ACKR3: variants seen among roughly 807,000 people sequenced by gnomAD.
ACKR3 encodes the protein C-X-C chemokine receptor type 7.
In ACKR3, 6 loss-of-function variants were observed where a neutral mutation model predicts 22.4. That is an observed-to-expected ratio of 0.27 (90% CI 0.15 to 0.53). ACKR3 has a LOEUF of 0.53. Ranked by LOEUF, ACKR3 falls within the 20% of genes least tolerant of loss-of-function variation. The probability of loss-of-function intolerance (pLI) is 0.96; values close to 1 mark genes in which losing one functional copy is unlikely to be tolerated. For missense variants in ACKR3, 396 were observed against 475.2 expected (o/e 0.83, Z 1.55); for synonymous variants, 209 against 205.2 (o/e 1.02, Z -0.16).
chr2:236,565,104 T>C (rs1323325412), upstream of ACKR3, among the ~76,000 whole-genome samples: 2 of 152,112 alleles, frequency 1.3e-5, no homozygotes, highest in Admixed American at 1.3e-4. Flanking sequence ...ATCACTGGAA[T>C]TTGGCTGGGG....
the ACKR3 span, among the ~76,000 whole-genome samples, chr2:236,559,328 C>A: frequency 6.6e-6 from 1 of 152,198 alleles, no homozygotes; most frequent in African/African-American, 2.4e-5. Context: ...TGCCTATGTA[C>A]TCACCAATAA....
At chr2:236,538,376 G>T in the ACKR3 span, among the ~76,000 whole-genome samples, 1 of 152,220 alleles carries the variant, frequency 6.6e-6, no homozygotes, top group African/African-American at 2.4e-5. Flanking sequence ...TAAAAACGTG[G>T]TCAAAAGGAT....
chr2:236,578,138 C>T (rs1691450964), intron 1 of ACKR3, among the ~76,000 whole-genome samples: 1 of 152,220 alleles, frequency 6.6e-6, no homozygotes, highest in Non-Finnish European at 1.5e-5. Flanking sequence ...GGAACGTCAG[C>T]TCTGGGTCAT....
At chr2:236,564,054 G>C (rs1691133088), upstream of ACKR3, among the ~76,000 whole-genome samples, 1 of 152,216 alleles carries the variant, frequency 6.6e-6, no homozygotes, top group Admixed American at 6.5e-5. Flanking sequence ...TGGACCGAAA[G>C]GAAAACTCCA....
At chr2:236,542,555 C>T in the ACKR3 span, among the ~76,000 whole-genome samples, 1 of 152,262 alleles carries the variant, frequency 6.6e-6, no homozygotes, top group East Asian at 1.9e-4. Flanking sequence ...CAGCTAAGAA[C>T]AACCTCATAA....
chr2:236,568,186 CTG>C (rs1691227907), upstream of ACKR3, among the ~76,000 whole-genome samples: 1 of 152,224 alleles, frequency 6.6e-6, no homozygotes. Flanking sequence ...GACACCCACT[CTG>C]TGTTTCCACC....
the ACKR3 span, among the ~76,000 whole-genome samples, chr2:236,557,524 G>C: frequency 6.6e-6 from 1 of 152,190 alleles, no homozygotes; most frequent in African/African-American, 2.4e-5. Context: ...AAAGGACATA[G>C]AGGCTAGCCC....
At position 236,569,828 on chromosome 2, in the gene ACKR3, G is replaced by C. The variant is rs1176311241; in HGVS notation, c.-123G>C. 6.6e-6 allele frequency: 1 copy of C among 152,298 alleles called. No individual in the cohort carries two copies. Among genetic ancestry groups the C allele is most frequent in the Non-Finnish European group, 1.5e-5 (1 of 68,142 alleles). The allele number at this position is 152,298 out of a possible 1,614,324, so 9.4% of individuals were successfully genotyped here. A position where few individuals can be genotyped will look rare whatever the true frequency, so the allele number is the denominator to read the frequency against. On this transcript the variant is annotated 5_prime_UTR_variant, in exon 1 of 2. Transcript: ENST00000272928. The stretch of plus-strand genomic sequence containing the variant: ...AAGTCTGCAGCCAGCAGAGCTCACA[G>C]TTGTTGCAAAGTGCTCAGCACTAAG...
chr2:236,555,017 T>C, the ACKR3 span, among the ~76,000 whole-genome samples: 1 of 152,230 alleles, frequency 6.6e-6, no homozygotes, highest in African/African-American at 2.4e-5. Flanking sequence ...GGTTTAAATC[T>C]CAAATCCTCA....
chr2:236,538,932 C>T, the ACKR3 span, among the ~76,000 whole-genome samples: 32 of 152,254 alleles, frequency 2.1e-4, no homozygotes, highest in African/African-American at 7.2e-4. Context: ...GCAAAGTAGG[C>T]GCGGACAGGC....
At chr2:236,557,253 C>CGTGTGTGTGT in the ACKR3 span, among the ~76,000 whole-genome samples, 61 of 139,992 alleles carry the variant, frequency 4.4e-4, 1 homozygote, top group Middle Eastern at 3.4e-3. Context: ...TTCATGTGAA[C>CGTGTGTGTGT]GTATGTGTGT....
Position 236,580,822 on chromosome 2 carries a change from C to G in ACKR3, c.357C>G (p.Val119=). 1 of 1,614,228 alleles carries G rather than the reference C, an allele frequency of 6.2e-7. No individual in the cohort carries two copies. The highest frequency in any genetic ancestry group is 8.5e-7 in the Non-Finnish European group (1 of 1,180,052). The part of the protein sequence containing the change: ...QWPMGELTCK[V]THLIFSINLF... Reference sequence around the variant, plus strand: ...CCATGGGCGAGCTCACGTGCAAAGTCACACACCTCATCTTCTCCATCAACC... The same window carrying G: ...CCATGGGCGAGCTCACGTGCAAAGTGACACACCTCATCTTCTCCATCAACC... The change falls in exon 2 of 2, where the codon GTC becomes GTG. Residue 119 remains valine (V), a synonymous_variant. Transcript: ENST00000272928.
At chr2:236,548,826 T>C in the ACKR3 span, among the ~76,000 whole-genome samples, 1 of 152,220 alleles carries the variant, frequency 6.6e-6, no homozygotes, top group African/African-American at 2.4e-5. The surrounding 1 kb of genome is among the most constrained non-coding windows in gnomAD (Gnocchi z 4.3). Flanking sequence ...TGATTTATAC[T>C]TACTGGATGA....
chr2:236,571,165 T>C (rs909415095), intron 1 of ACKR3, among the ~76,000 whole-genome samples: 1 of 152,252 alleles, frequency 6.6e-6, no homozygotes, highest in South Asian at 2.1e-4. Flanking sequence ...CTGCTTGCCC[T>C]TCTTTCATCA....
upstream of ACKR3, among the ~76,000 whole-genome samples, chr2:236,566,713 T>C (rs866032975): frequency 9.3e-5 from 13 of 139,580 alleles, no homozygotes; most frequent in South Asian, 7.4e-4. Flanking sequence ...TTCCTTCCTT[T>C]CCTTCCCTTC....
the ACKR3 span, among the ~76,000 whole-genome samples, chr2:236,546,875 G>T: frequency 6.6e-6 from 1 of 152,224 alleles, no homozygotes. This position sits in a 1 kb window ranked among gnomAD's most constrained non-coding sequence, Gnocchi z 4.9. Flanking sequence ...ACTATGTTTT[G>T]GCTTCTCTCT....
In ACKR3 at chr2:236,581,186, G is replaced by C; in HGVS notation, c.721G>C (p.Ala241Pro). The change falls in exon 2 of 2, where the codon GCG (alanine) becomes CCG (proline). Residue 241 changes from alanine to proline, a missense_variant. Transcript: ENST00000272928. This position sits in a 1 kb window ranked among gnomAD's most constrained non-coding sequence, Gnocchi z 4.4. The stretch of plus-strand genomic sequence containing the variant: ...CTTCCTGCTGGCCAGAGCCATCTCG[G>C]CGTCCAGTGACCAGGAGAAGCACAG... ...FYFLLARAIS[A>P]SSDQEKHSSR... 1 of 1,613,622 alleles carries C rather than the reference G, an allele frequency of 6.2e-7. No homozygotes were observed. The highest frequency in any genetic ancestry group is 8.5e-7 in the Non-Finnish European group (1 of 1,179,588).
upstream of ACKR3, among the ~76,000 whole-genome samples, chr2:236,568,049 C>A (rs1444367161): frequency 6.6e-6 from 1 of 152,190 alleles, no homozygotes; most frequent in Non-Finnish European, 1.5e-5. Context: ...CCCGGACGCA[C>A]GAAGCGGGTT....
At chr2:236,564,472 T>G (rs1691139900), upstream of ACKR3, among the ~76,000 whole-genome samples, 1 of 152,182 alleles carries the variant, frequency 6.6e-6, no homozygotes, top group Admixed American at 6.5e-5. Flanking sequence ...AGACCTTCTA[T>G]CTGGCAACAG....
Sources: allele counts gnomAD v4.1 joint callset (sites outside exome capture counted in the v4.1 genomes callset), GRCh38; gene constraint gnomAD v4.1.1; non-coding constraint Gnocchi (gnomAD v3.1); transcripts MANE v1.5; gene names NCBI Gene and HGNC (gene_info 2026-07-23, HGNC 2026-07-21).